Variants in GABARAPL2 observed in about 807,000 individuals in gnomAD.
GABARAPL2 encodes GABA type A receptor associated protein like 2.
In GABARAPL2, 11 loss-of-function variants were observed where a neutral mutation model predicts 16.9. The observed-to-expected ratio is 0.65, with a 90% CI of 0.41 to 1.08. The LOEUF (loss-of-function observed/expected upper bound fraction) is 1.08, where lower values mean the gene tolerates loss of function less well. GABARAPL2 is among the 50% of genes least tolerant of loss of function. The probability of loss-of-function intolerance (pLI) is 0.00; values close to 1 mark genes in which losing one functional copy is unlikely to be tolerated. For synonymous variants in GABARAPL2, 57 were observed against 50.7 expected (o/e 1.12, Z -0.53); for missense variants, 134 against 142.5 (o/e 0.94, Z 0.30).
intron 1 of GABARAPL2, 133 bp from the exon 2 acceptor site, chr16:75,566,719 G>C: frequency 1.0e-6 from 1 of 1,000,876 alleles, no homozygotes; most frequent in Non-Finnish European, 1.5e-6. Context: ...GCTAGTAGGG[G>C]ACAGGACCGC....
intron 3 of GABARAPL2, among the ~76,000 whole-genome samples, chr16:75,568,658 T>C (rs998627988): frequency 6.6e-6 from 1 of 152,196 alleles, no homozygotes; most frequent in Non-Finnish European, 1.5e-5. Context: ...TAAGAGTCTA[T>C]AGCTGCCTGA....
At chr16:75,573,774 G>C (rs1395688916) in intron 3 of GABARAPL2, among the ~76,000 whole-genome samples, 3 of 152,232 alleles carry the variant, frequency 2.0e-5, no homozygotes, top group African/African-American at 7.2e-5. Context: ...CATCAGAGCA[G>C]ATCTAGCTGT....
At chr16:75,571,629 C>T (rs891066031) in intron 3 of GABARAPL2, among the ~76,000 whole-genome samples, 2 of 151,906 alleles carry the variant, frequency 1.3e-5, no homozygotes, top group Admixed American at 6.6e-5. Context: ...GTGCTTAAAG[C>T]ACTTTGATCA....
intron 3 of GABARAPL2, among the ~76,000 whole-genome samples, chr16:75,571,200 A>G (rs1028227530): frequency 6.6e-6 from 1 of 152,138 alleles, no homozygotes; most frequent in Non-Finnish European, 1.5e-5. Context: ...CTACCTCACC[A>G]GGTTGGTCTC....
chr16:75,577,499 A>G lies in GABARAPL2; in HGVS notation c.*130A>G, dbSNP rs2080957094. Reference sequence around the variant, plus strand: ...CATTTGTAACTGGATTTATTTCTTAATATATTGGAAGGTTTTGTTTCCTTA... The same window carrying G: ...CATTTGTAACTGGATTTATTTCTTAGTATATTGGAAGGTTTTGTTTCCTTA... On this transcript the variant is annotated 3_prime_UTR_variant, in exon 4 of 4. Coordinates refer to ENST00000037243, the MANE Select transcript of GABARAPL2 (RefSeq NM_007285.7). The G allele has an allele frequency of 1.6e-6, 1 of 630,016 alleles. No individual in the cohort carries two copies. Among genetic ancestry groups the G allele is most frequent in the Non-Finnish European group, 2.9e-6 (1 of 348,004 alleles). The allele number at this position is 630,016 out of a possible 1,614,324, so 39.0% of individuals were successfully genotyped here.
chr16:75,567,969 T>A, intron 2 of GABARAPL2, 68 bp from the exon 3 acceptor site: 2 of 1,237,276 alleles, frequency 1.6e-6, no homozygotes, highest in Non-Finnish European at 2.3e-6. Flanking sequence ...GTTCATCAGC[T>A]CCTCAGCCAT....
intron 3 of GABARAPL2, among the ~76,000 whole-genome samples, chr16:75,574,957 G>A (rs1356587008): frequency 7.2e-5 from 11 of 152,142 alleles, no homozygotes; most frequent in Middle Eastern, 3.4e-3. Context: ...TGTTTGAACC[G>A]GAAGGTGGAG....
chr16:75,567,996 G>C (rs748306555), intron 2 of GABARAPL2, 41 bp from the exon 3 acceptor site: 9 of 1,525,188 alleles, frequency 5.9e-6, no homozygotes, highest in South Asian at 3.5e-5. Context: ...CCAGAGCCTC[G>C]CTTTAGGAAA....
intron 3 of GABARAPL2, chr16:75,575,683 C>T (rs2080945055): frequency 6.6e-6 from 1 of 152,164 alleles, no homozygotes; most frequent in Non-Finnish European, 1.5e-5. Flanking sequence ...AATCTCCTGA[C>T]CTTGTGATCC....
At chr16:75,570,942 T>C (rs2080910541) in intron 3 of GABARAPL2, among the ~76,000 whole-genome samples, 1 of 152,222 alleles carries the variant, frequency 6.6e-6, no homozygotes, top group African/African-American at 2.4e-5. Flanking sequence ...TTCCTAGTCA[T>C]GACGTTAGAG....
At chr16:75,568,344 A>G in intron 3 of GABARAPL2, 135 bp downstream of exon 3, 1 of 579,960 alleles carries the variant, frequency 1.7e-6, no homozygotes, top group Non-Finnish European at 3.2e-6. Context: ...CCCTGACATC[A>G]GGGGCTCCAG....
intron 3 of GABARAPL2, chr16:75,576,604 C>G (rs1266806117): frequency 6.6e-6 from 1 of 152,338 alleles, no homozygotes; most frequent in Non-Finnish European, 1.5e-5. Context: ...CCAGGTGTTA[C>G]TAGTCTTACT....
chr16:75,574,616 T>C (rs974320250), intron 3 of GABARAPL2, among the ~76,000 whole-genome samples: 1 of 152,106 alleles, frequency 6.6e-6, no homozygotes, highest in Non-Finnish European at 1.5e-5. Flanking sequence ...TTCAAGCCCT[T>C]CTGCTAGTTT....
chr16:75,572,905 G>A (rs933368913), intron 3 of GABARAPL2, among the ~76,000 whole-genome samples: 20 of 152,208 alleles, frequency 1.3e-4, no homozygotes, highest in Non-Finnish European at 2.8e-4. Flanking sequence ...AGGGACTGGA[G>A]GCCATCTTCA....
At position 75,566,834 on chromosome 16, in the gene GABARAPL2, C is replaced by G. The variant is rs773809839; in HGVS notation, c.35-18C>G. The G allele has an allele frequency of 1.4e-5, 22 of 1,611,298 alleles. No individual in the cohort carries two copies. The highest frequency in any genetic ancestry group is 2.2e-5 in the South Asian group (2 of 91,058). On this transcript the variant is annotated intron_variant, in intron 1 of 3. Transcript: ENST00000037243. Reference sequence around the variant, plus strand: ...GGTGGGCAGGCGCGGCCGTCAGCCCCGTTTGTTTCTCCCACAGAACACAGA... The same window carrying G: ...GGTGGGCAGGCGCGGCCGTCAGCCCGGTTTGTTTCTCCCACAGAACACAGA...
chr16:75,577,285 T>C lies in GABARAPL2; in HGVS notation c.270T>C (p.Thr90=). The C allele has an allele frequency of 6.2e-7, 1 of 1,602,692 alleles. No individual in the cohort carries two copies. The highest frequency in any genetic ancestry group is 8.6e-7 in the Non-Finnish European group (1 of 1,169,524). Residue 90 remains threonine (T), a synonymous_variant, in exon 4 of 4, where the codon ACT becomes ACC. Transcript: ENST00000037243. ...VDKTVPQSSL[T]MGQLYEKEKD... ...TTTGTTTTTCTCTTTCAAGCCTAACTATGGGACAGCTTTACGAGAAGGAAA... is the reference window on the plus strand; with the variant it reads ...TTTGTTTTTCTCTTTCAAGCCTAACCATGGGACAGCTTTACGAGAAGGAAA...
intron 3 of GABARAPL2, among the ~76,000 whole-genome samples, chr16:75,573,993 ACTATCAGCTT>A (rs1277769480): frequency 6.6e-6 from 1 of 152,246 alleles, no homozygotes; most frequent in Non-Finnish European, 1.5e-5. Flanking sequence ...TAGGATTTTT[ACTATCAGCTT>A]CTGTAGCTAC....
Position 75,577,785 on chromosome 16 carries a change from A to G in GABARAPL2, c.*416A>G, listed in dbSNP as rs1459280197. The G allele has an allele frequency of 6.2e-6, 1 of 161,666 alleles. No homozygotes were observed. Among genetic ancestry groups the G allele is most frequent in the East Asian group, 1.8e-4 (1 of 5,614 alleles). The allele number at this position is 161,666 out of a possible 1,614,324, so 10.0% of individuals were successfully genotyped here. A position where few individuals can be genotyped will look rare whatever the true frequency, so the allele number is the denominator to read the frequency against. On this transcript the variant is annotated 3_prime_UTR_variant, in exon 4 of 4. Coordinates refer to ENST00000037243, the MANE Select transcript of GABARAPL2 (RefSeq NM_007285.7). ...GTCAGAACACTTGCTTCACTAGAAT[A>G]TGCCAACTGCCAATCATGTTGGACT...
intron 1 of GABARAPL2, 130 bp downstream of exon 1, chr16:75,566,650 C>T: frequency 9.0e-7 from 1 of 1,114,242 alleles, no homozygotes; most frequent in Non-Finnish European, 1.3e-6. Flanking sequence ...CGCCCATGCC[C>T]TGGTGCCTCG....
Sources: allele counts gnomAD v4.1 joint callset (sites outside exome capture counted in the v4.1 genomes callset), GRCh38; gene constraint gnomAD v4.1.1; transcripts MANE v1.5; gene names NCBI Gene and HGNC (gene_info 2026-07-23, HGNC 2026-07-21).